The following WSCD2 variants were observed in gnomAD, a reference collection of about 807,000 sequenced individuals.
WSCD2 encodes sialate:O-sulfotransferase 2.
A neutral mutation model predicts 55.7 loss-of-function variants in WSCD2; 28 were observed. That is an observed-to-expected ratio of 0.50 (90% CI 0.37 to 0.69). The LOEUF (loss-of-function observed/expected upper bound fraction) is 0.69, where lower values mean the gene tolerates loss of function less well. Ranked by LOEUF, WSCD2 falls within the 30% of genes least tolerant of loss-of-function variation. The probability of loss-of-function intolerance (pLI) is 0.00; values close to 1 mark genes in which losing one functional copy is unlikely to be tolerated. For synonymous variants in WSCD2, 301 were observed against 301.9 expected (o/e 1.00, Z 0.03); for missense variants, 616 against 762.1 (o/e 0.81, Z 2.26).
chr12:108,158,110 G>A (rs569020663), intron 1 of WSCD2, among the ~76,000 whole-genome samples: 2 of 152,226 alleles, frequency 1.3e-5, no homozygotes, highest in African/African-American at 4.8e-5. Context: ...CTGTGAGCCC[G>A]GTTGTGGGCT....
Position 108,173,150 on chromosome 12 carries a change from G to A in WSCD2, c.-551-22132G>A, listed in dbSNP as rs1404871963. On this transcript the variant is annotated intron_variant, in intron 1 of 8. Transcript: ENST00000547525. ...GTTGTTTAAGCCCTCCAGTCTAGAG[G>A]GCTAAGACACAAGACATGGCACCCT... 1.3e-5 allele frequency among the ~76,000 whole-genome samples: 2 copies of A among 152,088 alleles called. 1 individual carries two copies. The highest frequency in any genetic ancestry group is 4.1e-4 in the South Asian group (2 of 4,824).
rs775891274 is a variant in WSCD2, at chr12:108,210,205, G to A, written c.582G>A (p.Glu194=). 2.5e-6 allele frequency: 4 copies of A among 1,613,946 alleles called. No homozygotes were observed. The African/African-American group carries it at 4.0e-5, about 16-fold the overall frequency. The stretch of plus-strand genomic sequence containing the variant: ...AGGCGACGAACGTGAGCGAGGCAGA[G>A]TGCGACATGGAGTGCAAGGGCGAGC... ...KIQATNVSEA[E]CDMECKGERG... Residue 194 remains glutamate, a synonymous_variant, in exon 4 of 9, where the codon GAG becomes GAA. Coordinates refer to ENST00000547525, the MANE Select transcript of WSCD2 (RefSeq NM_014653.4). The surrounding 1 kb of genome is among the most constrained non-coding windows in gnomAD (Gnocchi z 4.3).
chr12:108,147,893 A>T (rs546047578), intron 1 of WSCD2, among the ~76,000 whole-genome samples: 9 of 151,836 alleles, frequency 5.9e-5, no homozygotes, highest in Admixed American at 5.9e-4. Context: ...GAAAATGACC[A>T]TACTCTTTCT....
intron 1 of WSCD2, among the ~76,000 whole-genome samples, chr12:108,190,372 G>A (rs1364625575): frequency 6.6e-6 from 1 of 151,916 alleles, no homozygotes; most frequent in Admixed American, 6.6e-5. Flanking sequence ...AAGCTTGGGT[G>A]GTCTGGGGGT....
intron 6 of WSCD2, among the ~76,000 whole-genome samples, chr12:108,232,028 A>G (rs903541178): frequency 1.3e-5 from 2 of 152,208 alleles, no homozygotes; most frequent in Non-Finnish European, 2.9e-5. Flanking sequence ...AGGGAACAGC[A>G]TGCATGAAGG....
At chr12:108,245,071 T>C (rs1889990428) in intron 8 of WSCD2, among the ~76,000 whole-genome samples, 1 of 152,184 alleles carries the variant, frequency 6.6e-6, no homozygotes, top group Non-Finnish European at 1.5e-5. Flanking sequence ...TATGTAACAA[T>C]TTCTTTCTCT....
intron 6 of WSCD2, among the ~76,000 whole-genome samples, chr12:108,229,635 C>T (rs553290150): frequency 7.9e-5 from 12 of 152,342 alleles, no homozygotes; most frequent in African/African-American, 2.4e-4. Context: ...TGGATGGAAA[C>T]CCAGGTCGGT....
intron 1 of WSCD2, among the ~76,000 whole-genome samples, chr12:108,158,228 C>T (rs909434278): frequency 4.6e-5 from 7 of 152,164 alleles, no homozygotes; most frequent in Non-Finnish European, 1.0e-4. Flanking sequence ...GAACTGGACA[C>T]CCAGAGATTA....
intron 1 of WSCD2, among the ~76,000 whole-genome samples, chr12:108,165,154 T>A (rs889045139): frequency 6.6e-6 from 1 of 152,098 alleles, no homozygotes; most frequent in Non-Finnish European, 1.5e-5. Flanking sequence ...CAGGGTCTGA[T>A]TAAAGGGCTT....
intron 1 of WSCD2, among the ~76,000 whole-genome samples, chr12:108,178,811 C>A (rs568918793): frequency 3.3e-5 from 5 of 152,338 alleles, no homozygotes; most frequent in Admixed American, 6.5e-5. Context: ...GGGGTACTGG[C>A]AGTTAGGATG....
chr12:108,152,379 C>A (rs555895526), intron 1 of WSCD2, among the ~76,000 whole-genome samples: 3 of 152,248 alleles, frequency 2.0e-5, no homozygotes, highest in South Asian at 4.2e-4. Flanking sequence ...TCTGTGTGCT[C>A]CTGGGCACAG....
In WSCD2 at chr12:108,229,790, G is replaced by C. The variant is rs144514937; in HGVS notation, c.979+2626G>C. 3.1e-3 allele frequency among the ~76,000 whole-genome samples: 476 copies of C among 151,190 alleles called. 3 individuals carry two copies. The highest frequency in any genetic ancestry group is 0.011 in the African/African-American group (451 of 41,128). Reference sequence around the variant, plus strand: ...TGGCCTCCCAGGAAATATTTGAATAGAGAATTCTGTTTTGGGGGGACATTA... The same window carrying C: ...TGGCCTCCCAGGAAATATTTGAATACAGAATTCTGTTTTGGGGGGACATTA... On this transcript the variant is annotated intron_variant, in intron 6 of 8. Coordinates refer to ENST00000547525, the MANE Select transcript of WSCD2 (RefSeq NM_014653.4).
intron 1 of WSCD2, among the ~76,000 whole-genome samples, chr12:108,183,922 A>G (rs1040952175): frequency 3.9e-5 from 6 of 152,230 alleles, no homozygotes; most frequent in Non-Finnish European, 8.8e-5. Context: ...CCTACCAAGC[A>G]GAGCCCCTGG....
At chr12:108,173,524 C>T (rs554553127) in intron 1 of WSCD2, among the ~76,000 whole-genome samples, 7 of 138,712 alleles carry the variant, frequency 5.0e-5, no homozygotes, top group African/African-American at 1.8e-4. Context: ...GTCGGGGGTT[C>T]CCTGACCAGG....
chr12:108,147,942 C>T (rs1877575033), intron 1 of WSCD2, among the ~76,000 whole-genome samples: 1 of 152,136 alleles, frequency 6.6e-6, no homozygotes, highest in Admixed American at 6.5e-5. Context: ...ATCCCATCAC[C>T]ATCACTTTCA....
At chr12:108,188,353 G>C (rs189346582) in intron 1 of WSCD2, among the ~76,000 whole-genome samples, 2 of 152,188 alleles carry the variant, frequency 1.3e-5, no homozygotes, top group African/African-American at 4.8e-5. Flanking sequence ...AAAAAAGTGG[G>C]ATTGTTGTGT....
In WSCD2 at chr12:108,248,405, G is replaced by A; in HGVS notation, c.*62G>A. On this transcript the variant is annotated 3_prime_UTR_variant, in exon 9 of 9. Coordinates refer to ENST00000547525, the MANE Select transcript of WSCD2 (RefSeq NM_014653.4). The surrounding 1 kb of genome is among the most constrained non-coding windows in gnomAD (Gnocchi z 4.3). ...GACCACGCAGGCCCTGGGGACTCAAGACCCCTGGTTACCCCCACTCATCTG... is the reference window on the plus strand; with the variant it reads ...GACCACGCAGGCCCTGGGGACTCAAAACCCCTGGTTACCCCCACTCATCTG... 1 of 1,547,692 alleles carries A rather than the reference G, an allele frequency of 6.5e-7. No homozygotes were observed. The highest frequency in any genetic ancestry group is 8.7e-7 in the Non-Finnish European group (1 of 1,145,134).
At chr12:108,242,136 A>T (rs1889794316) in intron 8 of WSCD2, among the ~76,000 whole-genome samples, 1 of 152,204 alleles carries the variant, frequency 6.6e-6, no homozygotes, top group Non-Finnish European at 1.5e-5. Flanking sequence ...CCAGAGAGGA[A>T]CAGAGCAGGG....
At chr12:108,131,085 C>T (rs1026258661) in intron 1 of WSCD2, among the ~76,000 whole-genome samples, 1 of 152,072 alleles carries the variant, frequency 6.6e-6, no homozygotes, top group Non-Finnish European at 1.5e-5. Context: ...GGTGGGATTC[C>T]GATCTCAGGC....
Sources: gnomAD v4.1 joint callset for allele counts (sites outside exome capture counted in the v4.1 genomes callset) on GRCh38, gnomAD v4.1.1 for gene constraint, Gnocchi (gnomAD v3.1) non-coding constraint, MANE v1.5 for transcripts, NCBI Gene and HGNC (gene_info 2026-07-23, HGNC 2026-07-21) for gene names.